RANBP2: variants seen among roughly 807,000 people sequenced by gnomAD.
The protein encoded by RANBP2 is RAN binding protein 2, also known as E3 SUMO-protein ligase RanBP2.
RANBP2 carries 57 observed loss-of-function variants against 303.6 expected under a neutral mutation model. That is an observed-to-expected ratio of 0.19 (90% CI 0.15 to 0.23). The LOEUF is 0.23. RANBP2 is among the 10% of genes least tolerant of loss of function. RANBP2 has a pLI of 1.00. For synonymous variants in RANBP2, 1,167 were observed against 1,301.5 expected (o/e 0.90, Z 2.23); for missense variants, 3,138 against 3,780.8 (o/e 0.83, Z 4.46).
the RANBP2 span, among the ~76,000 whole-genome samples, chr2:109,288,532 G>A: frequency 0.34 from 51,452 of 152,116 alleles, 8,950 homozygotes; most frequent in South Asian, 0.41. Flanking sequence ...TCTCAAAACA[G>A]AATTTTTGTC....
intron 1 of RANBP2, among the ~76,000 whole-genome samples, chr2:108,723,588 TCTGTACTGGTTATTATG>T: frequency 6.6e-6 from 1 of 152,184 alleles, no homozygotes. Flanking sequence ...TTTTAGACAT[TCTGTACTGGTTATTATG>T]CTCCTCCAAA....
At chr2:109,020,130 G>T in the RANBP2 span, among the ~76,000 whole-genome samples, 1 of 152,134 alleles carries the variant, frequency 6.6e-6, no homozygotes, top group African/African-American at 2.4e-5. Context: ...GTTAATACTG[G>T]AATGAGTGTT....
At chr2:108,884,960 A>G in the RANBP2 span, 1 of 152,288 alleles carries the variant, frequency 6.6e-6, no homozygotes, top group African/African-American at 2.4e-5. Flanking sequence ...CCCTGTCTGT[A>G]GAATGAGAAT....
At chr2:109,690,862 T>C in the RANBP2 span, among the ~76,000 whole-genome samples, 1 of 152,196 alleles carries the variant, frequency 6.6e-6, no homozygotes. Context: ...TCTTCCTTCA[T>C]GTACACTCAG....
chr2:109,273,746 T>C, the RANBP2 span, among the ~76,000 whole-genome samples: 1 of 152,166 alleles, frequency 6.6e-6, no homozygotes, highest in Non-Finnish European at 1.5e-5. Context: ...TAGAAGGTCA[T>C]AGATGTCCCT....
At chr2:109,082,860 C>CT in the RANBP2 span, among the ~76,000 whole-genome samples, 1 of 144,090 alleles carries the variant, frequency 6.9e-6, no homozygotes, top group Non-Finnish European at 1.5e-5. Context: ...GAGTCTCACT[C>CT]TGTCTCCCAG....
At chr2:108,737,180 A>C (rs1695656165) in intron 6 of RANBP2, among the ~76,000 whole-genome samples, 1 of 152,162 alleles carries the variant, frequency 6.6e-6, no homozygotes, top group Non-Finnish European at 1.5e-5. Flanking sequence ...ATCTAAAAGA[A>C]CTAACATAAC....
chr2:109,477,394 C>T, the RANBP2 span, among the ~76,000 whole-genome samples: 1 of 152,192 alleles, frequency 6.6e-6, no homozygotes. Flanking sequence ...AGCCACTGTC[C>T]TTGGAGGCTC....
chr2:109,599,270 C>G, the RANBP2 span, among the ~76,000 whole-genome samples: 1 of 152,006 alleles, frequency 6.6e-6, no homozygotes, highest in Non-Finnish European at 1.5e-5. Context: ...CCAGCCTGGC[C>G]AACATGGTGA....
chr2:108,837,459 C>T, the RANBP2 span, among the ~76,000 whole-genome samples: 7 of 151,652 alleles, frequency 4.6e-5, no homozygotes, highest in East Asian at 5.8e-4. Flanking sequence ...AATGGTAGAC[C>T]GTATATATGA....
the RANBP2 span, among the ~76,000 whole-genome samples, chr2:109,405,653 C>T: frequency 6.6e-6 from 1 of 152,226 alleles, no homozygotes; most frequent in South Asian, 2.1e-4. Context: ...TCCTGCCCGC[C>T]CTTCCAGACC....
At chr2:108,875,952 T>C in the RANBP2 span, 1 of 579,478 alleles carries the variant, frequency 1.7e-6, no homozygotes, top group Non-Finnish European at 3.0e-6. Flanking sequence ...TCTAATCTTT[T>C]AGTTGCCTAT....
rs147080366 is a variant in RANBP2 at position 108,753,428 on chromosome 2, A to G, written c.1920A>G (p.Ala640=). Residue 640 remains alanine (A), a splice_region_variant and synonymous_variant, in exon 14 of 29, where the codon GCA becomes GCG. Coordinates refer to ENST00000283195, the MANE Select transcript of RANBP2 (RefSeq NM_006267.5). ...FKHFHSVDIQ[A]SEIVEYEEDA... ...TAAAAACTATTCTGTGTGTTTAGGCATCAGAAATTGTTGAATATGAAGAAG... is the reference window on the plus strand; with the variant it reads ...TAAAAACTATTCTGTGTGTTTAGGCGTCAGAAATTGTTGAATATGAAGAAG... 1,695 of 1,611,734 alleles carry G rather than the reference A, an allele frequency of 1.1e-3. 1 individual carries two copies. The highest frequency in any genetic ancestry group is 1.2e-3 in the Non-Finnish European group (1,373 of 1,179,736).
the RANBP2 span, among the ~76,000 whole-genome samples, chr2:109,620,068 C>G: frequency 2.6e-5 from 4 of 152,182 alleles, no homozygotes; most frequent in Non-Finnish European, 5.9e-5. Flanking sequence ...ATTCTGTTAA[C>G]TAATAGCCTA....
chr2:109,111,875 A>T, the RANBP2 span, among the ~76,000 whole-genome samples: 10 of 149,074 alleles, frequency 6.7e-5, no homozygotes, highest in Non-Finnish European at 1.2e-4. Context: ...GAGTGAGAAT[A>T]TGCGGTGTTT....
intron 12 of RANBP2, 102 bp from the exon 13 acceptor site, chr2:108,752,896 T>G: frequency 6.2e-7 from 1 of 1,603,972 alleles, no homozygotes; most frequent in Non-Finnish European, 8.5e-7. Flanking sequence ...TACCATTTGG[T>G]TTTGACTTGA....
chr2:109,625,381 G>A, the RANBP2 span, among the ~76,000 whole-genome samples: 1 of 151,996 alleles, frequency 6.6e-6, no homozygotes, highest in Non-Finnish European at 1.5e-5. Flanking sequence ...TAGGCCAGGT[G>A]CAATGGCTCA....
At chr2:109,272,243 T>C in the RANBP2 span, among the ~76,000 whole-genome samples, 9 of 152,228 alleles carry the variant, frequency 5.9e-5, no homozygotes, top group African/African-American at 1.9e-4. Flanking sequence ...GCTTCTTGCT[T>C]GTCTAGGTGA....
At chr2:108,738,171 G>A (rs1399881946) in intron 6 of RANBP2, among the ~76,000 whole-genome samples, 3 of 151,820 alleles carry the variant, frequency 2.0e-5, no homozygotes, top group Non-Finnish European at 4.4e-5. Context: ...TGTTTCCAGG[G>A]TTCACGCCAT....
Sources: allele counts gnomAD v4.1 joint callset (sites outside exome capture counted in the v4.1 genomes callset), GRCh38; gene constraint gnomAD v4.1.1; transcripts MANE v1.5; gene names NCBI Gene and HGNC (gene_info 2026-07-23, HGNC 2026-07-21).